The following RBMS3 variants were observed in gnomAD, a reference collection of about 807,000 sequenced individuals.
The protein encoded by RBMS3 is RNA binding motif single stranded interacting protein 3.
In RBMS3, 27 loss-of-function variants were observed where a neutral mutation model predicts 66.8. The ratio of observed to expected loss-of-function variants is 0.40; its 90% CI spans 0.30 to 0.56. The LOEUF is 0.56. Among genes scored for constraint, RBMS3 ranks in the 20% least tolerant of loss-of-function variants. The pLI is 0.40. For missense variants in RBMS3, 513 were observed against 549.5 expected (o/e 0.93, Z 0.66); for synonymous variants, 188 against 183.0 (o/e 1.03, Z -0.22).
chr3:29,619,720 T>A (rs1385566792), intron 4 of RBMS3, among the ~76,000 whole-genome samples: 3 of 152,192 alleles, frequency 2.0e-5, no homozygotes, highest in Admixed American at 2.0e-4. Context: ...GCTGTGAGAT[T>A]TGGGAACATG....
intron 4 of RBMS3, among the ~76,000 whole-genome samples, chr3:29,709,821 T>C (rs911324122): frequency 2.0e-5 from 3 of 152,322 alleles, no homozygotes; most frequent in African/African-American, 7.2e-5. Context: ...TAATTCTTCC[T>C]CTAAGAAAGC....
chr3:29,429,359 G>C (rs1398179309), intron 1 of RBMS3, among the ~76,000 whole-genome samples: 1 of 152,146 alleles, frequency 6.6e-6, no homozygotes, highest in African/African-American at 2.4e-5. Context: ...ATTTCCTAAA[G>C]AGGACATTGG....
At chr3:29,908,319 G>A (rs1008112365) in intron 10 of RBMS3, among the ~76,000 whole-genome samples, 7 of 151,688 alleles carry the variant, frequency 4.6e-5, no homozygotes, top group Non-Finnish European at 1.0e-4. Context: ...AACTCTGACT[G>A]TTGCATAGTT....
rs1230645548 is a variant in RBMS3 at position 29,386,644 on chromosome 3, G to C, written c.76-48099G>C. ...CTTTTCAACTGAATTATTTCTACCAGCATACAGACATGCTGCAATGCTTCC... is the reference window on the plus strand; with the variant it reads ...CTTTTCAACTGAATTATTTCTACCACCATACAGACATGCTGCAATGCTTCC... On this transcript the variant is annotated intron_variant, in intron 1 of 14. Transcript: ENST00000383767. Among the ~76,000 whole-genome samples, 4 of 152,066 alleles carry C rather than the reference G, an allele frequency of 2.6e-5. No homozygotes were observed. The East Asian group carries it at 7.7e-4, about 29-fold the overall frequency.
chr3:29,288,264 G>A (rs1427598808), intron 1 of RBMS3, among the ~76,000 whole-genome samples: 3 of 151,974 alleles, frequency 2.0e-5, no homozygotes, highest in African/African-American at 7.2e-5. Context: ...TCATTCATGA[G>A]TTTTTCTTTT....
At chr3:29,392,817 A>G (rs900921296) in intron 1 of RBMS3, among the ~76,000 whole-genome samples, 4 of 151,856 alleles carry the variant, frequency 2.6e-5, no homozygotes, top group African/African-American at 9.7e-5. Flanking sequence ...ATCCACTGCT[A>G]TGTTGGGTCA....
At chr3:29,963,315 C>A (rs779132787) in intron 12 of RBMS3, among the ~76,000 whole-genome samples, 5 of 152,036 alleles carry the variant, frequency 3.3e-5, no homozygotes, top group Non-Finnish European at 5.9e-5. Flanking sequence ...ATCAGCATAT[C>A]CGTGGGTGGA....
At chr3:29,830,845 C>T (rs2058352899) in intron 6 of RBMS3, among the ~76,000 whole-genome samples, 1 of 152,062 alleles carries the variant, frequency 6.6e-6, no homozygotes, top group Non-Finnish European at 1.5e-5. Flanking sequence ...CTTAAACACC[C>T]AACAGAAAAT....
At chr3:29,496,834 G>A (rs1178987467) in intron 3 of RBMS3, among the ~76,000 whole-genome samples, 1 of 152,088 alleles carries the variant, frequency 6.6e-6, no homozygotes, top group Non-Finnish European at 1.5e-5. Context: ...TATTTACTCA[G>A]CATTTGCTTG....
At chr3:29,944,174 T>A in intron 11 of RBMS3, 33 bp from the exon 12 acceptor site, 1 of 1,540,598 alleles carries the variant, frequency 6.5e-7, no homozygotes, top group South Asian at 1.1e-5. Context: ...TTGTACTTCA[T>A]TGCATTCTTT....
intron 1 of RBMS3, among the ~76,000 whole-genome samples, chr3:29,367,266 A>G (rs925354747): frequency 6.6e-6 from 1 of 152,168 alleles, no homozygotes; most frequent in African/African-American, 2.4e-5. Context: ...ATATGTAAGT[A>G]TTCAGTTATT....
intron 10 of RBMS3, among the ~76,000 whole-genome samples, chr3:29,929,363 T>C (rs2149675701): frequency 6.6e-6 from 1 of 152,322 alleles, no homozygotes; most frequent in African/African-American, 2.4e-5. Flanking sequence ...TAAAGCATTA[T>C]TGAGAATCCT....
chr3:29,393,632 A>C (rs764037382), intron 1 of RBMS3, among the ~76,000 whole-genome samples: 1 of 152,112 alleles, frequency 6.6e-6, no homozygotes, highest in South Asian at 2.1e-4. Context: ...GCCCCAAACT[A>C]TCGGGGGAAA....
At chr3:29,667,902 T>G (rs1308256433) in intron 4 of RBMS3, among the ~76,000 whole-genome samples, 2 of 152,156 alleles carry the variant, frequency 1.3e-5, no homozygotes, top group Non-Finnish European at 2.9e-5. Context: ...TTCTTTTTTA[T>G]CATACCTCCA....
At chr3:29,421,655 C>T (rs2040741546) in intron 1 of RBMS3, among the ~76,000 whole-genome samples, 1 of 152,176 alleles carries the variant, frequency 6.6e-6, no homozygotes, top group African/African-American at 2.4e-5. Flanking sequence ...TTATATTTGT[C>T]TTAAAAAATT....
In RBMS3 at chr3:29,281,322, C is replaced by A; in HGVS notation, c.-360C>A. 1 of 261,748 alleles carries A rather than the reference C, an allele frequency of 3.8e-6. No homozygotes were observed. The highest frequency in any genetic ancestry group is 5.7e-5 in the Admixed American group (1 of 17,672). 16.2% of individuals were successfully genotyped at this position (261,748 alleles called of 1,614,324 possible). A position where few individuals can be genotyped will look rare whatever the true frequency, so the allele number is the denominator to read the frequency against. The stretch of plus-strand genomic sequence containing the variant: ...CTAAAAGGACTTTGATTTTTTTCCC[C>A]CTTTACGAACGCTGGCAATTGACAT... On this transcript the variant is annotated 5_prime_UTR_variant, in exon 1 of 15. Transcript: ENST00000383767.
In RBMS3 at chr3:29,289,208, A is replaced by G. The variant is rs6765445; in HGVS notation, c.75+7452A>G. Among the ~76,000 whole-genome samples, 1,446 of 152,030 alleles carry G rather than the reference A, an allele frequency of 9.5e-3. 28 individuals carry two copies. Among genetic ancestry groups the G allele is most frequent in the African/African-American group, 0.033 (1,371 of 41,534 alleles). ...AACCCTGACCTCAACAATATATTAT[A>G]GTGGCCTCTGCTATGGAAGGTATGA... is the stretch of plus-strand genomic sequence containing the variant. On this transcript the variant is annotated intron_variant, in intron 1 of 14. Transcript: ENST00000383767.
At chr3:29,788,913 T>C (rs2056915077) in intron 6 of RBMS3, among the ~76,000 whole-genome samples, 1 of 152,176 alleles carries the variant, frequency 6.6e-6, no homozygotes, top group South Asian at 2.1e-4. Context: ...TTATGAATCT[T>C]TTTCCTAGCT....
chr3:29,553,542 GGT>G (rs2046245389), intron 3 of RBMS3, among the ~76,000 whole-genome samples: 1 of 152,116 alleles, frequency 6.6e-6, no homozygotes, highest in Non-Finnish European at 1.5e-5. Flanking sequence ...TCTTGGGCCA[GGT>G]GGCTCTTTTG....
Sources: gnomAD v4.1 joint callset for allele counts (sites outside exome capture counted in the v4.1 genomes callset) on GRCh38, gnomAD v4.1.1 for gene constraint, MANE v1.5 for transcripts, NCBI Gene and HGNC (gene_info 2026-07-23, HGNC 2026-07-21) for gene names.